The following PFKM variants were observed in gnomAD, a reference collection of about 807,000 sequenced individuals.
PFKM encodes the protein ATP-dependent 6-phosphofructokinase, muscle type.
In PFKM, 58 loss-of-function variants were observed where a neutral mutation model predicts 95.5. That is an observed-to-expected ratio of 0.61 (90% CI 0.49 to 0.76). The LOEUF (loss-of-function observed/expected upper bound fraction) is 0.76, where lower values mean the gene tolerates loss of function less well. Among genes scored for constraint, PFKM ranks in the 30% least tolerant of loss-of-function variants. PFKM has a pLI of 0.00. For missense variants in PFKM, 678 were observed against 1,005.4 expected, an observed-to-expected ratio of 0.67 and a Z score of 4.40; for synonymous variants, 336 against 357.2, an observed-to-expected ratio of 0.94 and a Z score of 0.67.
chr12:48,139,595 T>C (rs1950405944), intron 12 of PFKM: 5 of 616,730 alleles, frequency 8.1e-6, no homozygotes, highest in Non-Finnish European at 1.4e-5. Flanking sequence ...CCCAGCAAGA[T>C]GATAAGTTCC....
At chr12:48,137,643 C>T (rs1420915440) in intron 10 of PFKM, 78 bp from the exon 11 acceptor site, 11 of 1,566,776 alleles carry the variant, frequency 7.0e-6, no homozygotes, top group Admixed American at 5.0e-5. Flanking sequence ...GAAAAGGGCT[C>T]GAGTATCCTG....
rs79426695 is a variant in PFKM, at chr12:48,131,594, G to A, written c.237+201G>A. The stretch of plus-strand genomic sequence containing the variant: ...TTTCCTGGGGCAGGGAGAGGGTGGA[G>A]GAGTGATCACAGGATGCTTTGCTCT... On this transcript the variant is annotated intron_variant, in intron 4 of 22. Coordinates refer to ENST00000359794, the MANE Select transcript of PFKM (RefSeq NM_000289.6). The A allele has an allele frequency of 0.066, 41,523 of 631,776 alleles. 1,795 individuals carry two copies. The highest frequency in any genetic ancestry group is 0.092 in the Non-Finnish European group (32,045 of 349,560). 39.1% of individuals were successfully genotyped at this position (631,776 alleles called of 1,614,324 possible). A position where few individuals can be genotyped will look rare whatever the true frequency, so the allele number is the denominator to read the frequency against.
At chr12:48,109,098 C>T (rs988636648) in intron 3 of PFKM, among the ~76,000 whole-genome samples, 2 of 152,116 alleles carry the variant, frequency 1.3e-5, no homozygotes, top group Non-Finnish European at 2.9e-5. Context: ...TTTCCCTGTT[C>T]CCTAGGAGCT....
rs118090561 is a variant in PFKM, at chr12:48,133,864, G to C, written c.594-368G>C. On this transcript the variant is annotated intron_variant, in intron 6 of 22. Transcript: ENST00000359794. ...GACAGCTCAGAGATAAGGGGACCTG[G>C]GGGGAGGCAATGTAGGATGGGAGGA... Among the ~76,000 whole-genome samples, 203 of 152,240 alleles carry C rather than the reference G, an allele frequency of 1.3e-3. 4 individuals are homozygous for C. The East Asian group carries it at 0.032, about 24-fold the overall frequency.
chr12:48,145,554 T>C lies in PFKM; in HGVS notation c.2199-10T>C, dbSNP rs769287692. ...AAGATTATATCATCATCTACCTCAT[T>C]CCTCTGTAGGCATCGAATCCCCAAG... is the stretch of plus-strand genomic sequence containing the variant. On this transcript the variant is annotated splice_polypyrimidine_tract_variant and intron_variant, in intron 22 of 22. Coordinates refer to ENST00000359794, the MANE Select transcript of PFKM (RefSeq NM_000289.6). This position sits in a 1 kb window ranked among gnomAD's most constrained non-coding sequence, Gnocchi z 4.3. The C allele has an allele frequency of 1.2e-6, 2 of 1,614,044 alleles. No individual in the cohort carries two copies. Among genetic ancestry groups the C allele is most frequent in the South Asian group, 1.1e-5 (1 of 91,076 alleles).
intron 10 of PFKM, among the ~76,000 whole-genome samples, chr12:48,136,077 C>G (rs571628282): frequency 1.3e-5 from 2 of 152,050 alleles, no homozygotes; most frequent in African/African-American, 4.8e-5. Context: ...TTAGTAGAGA[C>G]AGGGTTTCAC....
At chr12:48,106,541 T>C (rs1023121302) in intron 1 of PFKM, 3 of 238,874 alleles carry the variant, frequency 1.3e-5, no homozygotes, top group African/African-American at 2.3e-5. Context: ...AGAACGTTAG[T>C]GCTTGTAGAG....
chr12:48,131,255 C>T, intron 3 of PFKM, 61 bp from the exon 4 acceptor site: 1 of 1,176,010 alleles, frequency 8.5e-7, no homozygotes, highest in Non-Finnish European at 1.3e-6. Context: ...GGGATCCTGT[C>T]TTAATCTTGG....
In PFKM at chr12:48,145,518, T is replaced by G. The variant is rs945117535; in HGVS notation, c.2199-46T>G. 6.2e-7 allele frequency: 1 copy of G among 1,610,376 alleles called. No individual in the cohort carries two copies. The highest frequency in any genetic ancestry group is 8.5e-7 in the Non-Finnish European group (1 of 1,176,698). ...CTATAAACCTTTGGTAGAAGTTGAT[T>G]GGGGTGCTAAAAGATTATATCATCA... On this transcript the variant is annotated intron_variant, in intron 22 of 22. Coordinates refer to ENST00000359794, the MANE Select transcript of PFKM (RefSeq NM_000289.6). This position sits in a 1 kb window ranked among gnomAD's most constrained non-coding sequence, Gnocchi z 4.3.
Position 48,140,841 on chromosome 12 carries a change from T to C in PFKM, c.1311T>C (p.His437=), listed in dbSNP as rs369182995. Residue 437 remains histidine, a synonymous_variant, in exon 14 of 23, where the codon CAT becomes CAC. Transcript: ENST00000359794. ...LIQGNRVLVV[H]DGFEGLAKGQ... ...AGGGCAACCGAGTGCTCGTTGTCCA[T>C]GATGGTTTCGAGGGCCTGGCCAAGG... 1.4e-5 allele frequency: 23 copies of C among 1,614,074 alleles called. No homozygotes were observed. Among genetic ancestry groups the C allele is most frequent in the South Asian group, 2.2e-5 (2 of 91,080 alleles).
upstream of PFKM, among the ~76,000 whole-genome samples, chr12:48,118,952 G>C (rs1947915099): frequency 6.6e-6 from 1 of 152,132 alleles, no homozygotes; most frequent in Non-Finnish European, 1.5e-5. Context: ...AGAAATGTTT[G>C]CTTAAAGACG....
intron 2 of PFKM, among the ~76,000 whole-genome samples, chr12:48,128,768 A>G (rs1229482549): frequency 6.6e-6 from 1 of 152,126 alleles, no homozygotes; most frequent in Non-Finnish European, 1.5e-5. Flanking sequence ...GCTTGTTGGT[A>G]TATTACATTT....
intron 3 of PFKM, among the ~76,000 whole-genome samples, chr12:48,109,877 ACTTC>A (rs1161108357): frequency 6.6e-6 from 1 of 151,372 alleles, no homozygotes; most frequent in Non-Finnish European, 1.5e-5. Flanking sequence ...TCCTTCTTTG[ACTTC>A]CTTCCAAGAG....
chr12:48,133,182 G>A (rs1367365709), intron 5 of PFKM, 125 bp downstream of exon 5: 17 of 1,266,334 alleles, frequency 1.3e-5, no homozygotes, highest in Non-Finnish European at 1.7e-5. Flanking sequence ...ACACAAATAG[G>A]CAGTCTTTGC....
chr12:48,108,742 C>G (rs1248288457), intron 3 of PFKM, among the ~76,000 whole-genome samples: 1 of 152,200 alleles, frequency 6.6e-6, no homozygotes, highest in Non-Finnish European at 1.5e-5. Context: ...TTAAATACAT[C>G]TATATTGGAG....
At chr12:48,122,638 G>A (rs779605365) in intron 1 of PFKM, 129 bp from the exon 2 acceptor site, 1 of 1,526,382 alleles carries the variant, frequency 6.6e-7, no homozygotes, top group Non-Finnish European at 8.8e-7. Flanking sequence ...CTCTCAGGCT[G>A]CAAAGCTCAG....
chr12:48,142,760 C>G, intron 17 of PFKM, 22 bp from the exon 18 acceptor site: 1 of 1,610,920 alleles, frequency 6.2e-7, no homozygotes, highest in Non-Finnish European at 8.5e-7. Context: ...GTCTTTCTAA[C>G]TATAACCCAT....
chr12:48,135,922 A>T (rs75333732), intron 10 of PFKM, among the ~76,000 whole-genome samples: 36,830 of 150,940 alleles, frequency 0.24, 4,811 homozygotes, highest in Non-Finnish European at 0.31. Flanking sequence ...GCACCATTGC[A>T]CTCGCTCCCA....
intron 4 of PFKM, among the ~76,000 whole-genome samples, chr12:48,132,607 A>C (rs909488201): frequency 6.6e-6 from 1 of 152,230 alleles, no homozygotes; most frequent in African/African-American, 2.4e-5. Context: ...TCTCTTTAGG[A>C]TAGTCATGGA....
Sources: gnomAD v4.1 joint callset for allele counts (sites outside exome capture counted in the v4.1 genomes callset) on GRCh38, gnomAD v4.1.1 for gene constraint, Gnocchi (gnomAD v3.1) non-coding constraint, MANE v1.5 for transcripts, NCBI Gene and HGNC (gene_info 2026-07-23, HGNC 2026-07-21) for gene names.